The following CHRM3 variants were observed in gnomAD, a reference collection of about 807,000 sequenced individuals.
CHRM3 encodes the protein muscarinic acetylcholine receptor M3.
In CHRM3, 11 loss-of-function variants were observed where a neutral mutation model predicts 41.8. The observed-to-expected ratio is 0.26, with a 90% confidence interval of 0.17 to 0.44. The LOEUF (loss-of-function observed/expected upper bound fraction) is 0.44. CHRM3 is among the 20% of genes least tolerant of loss of function. The pLI is 1.00. For missense variants in CHRM3, 571 were observed against 745.4 expected (o/e 0.77, Z 2.72); for synonymous variants, 297 against 301.4 (o/e 0.99, Z 0.15).
At chr1:239,533,743 A>AC (rs1657906685) in intron 2 of CHRM3, among the ~76,000 whole-genome samples, 1 of 149,190 alleles carries the variant, frequency 6.7e-6, no homozygotes, top group Non-Finnish European at 1.5e-5. Flanking sequence ...AAAAAAAAAA[A>AC]AAAAAAACAA....
intron 5 of CHRM3, among the ~76,000 whole-genome samples, chr1:239,795,217 C>G (rs1398761287): frequency 3.3e-5 from 5 of 152,028 alleles, no homozygotes; most frequent in Non-Finnish European, 7.4e-5. Flanking sequence ...AATGAACTGA[C>G]ATAAGAAGTA....
chr1:239,825,992 G>A (rs909386467), intron 5 of CHRM3, among the ~76,000 whole-genome samples: 93 of 152,298 alleles, frequency 6.1e-4, no homozygotes, highest in African/African-American at 2.2e-3. Context: ...TTTACGTGAG[G>A]AACATAGAGT....
chr1:239,740,257 T>C (rs1278584218), intron 5 of CHRM3, among the ~76,000 whole-genome samples: 1 of 152,196 alleles, frequency 6.6e-6, no homozygotes, highest in Non-Finnish European at 1.5e-5. Flanking sequence ...AAGAAAACTA[T>C]TGTCTTTTAA....
intron 5 of CHRM3, among the ~76,000 whole-genome samples, chr1:239,730,160 A>G (rs115501925): frequency 0.01 from 1,550 of 152,124 alleles, 25 homozygotes; most frequent in African/African-American, 0.035. Flanking sequence ...AAAACTGTAT[A>G]GTTGGTTTTT....
rs200335768 is a variant in CHRM3, at chr1:239,908,528, C to G, written c.1077C>G (p.Ser359=). Residue 359 remains serine, a synonymous_variant, in exon 7 of 7, where the codon TCC becomes TCG. Transcript: ENST00000676153. The surrounding 1 kb of genome is among the most constrained non-coding windows in gnomAD (Gnocchi z 7.2). ...CCTCCGACGAGGAGGACATTGGCTC[C>G]GAGACGAGAGCCATCTACTCCATCG... The part of the protein sequence containing the change: ...SASSDEEDIG[S]ETRAIYSIVL... The G allele has an allele frequency of 9.4e-6, 15 of 1,588,926 alleles. No homozygotes were observed. Among genetic ancestry groups the G allele is most frequent in the Admixed American group, 1.8e-5 (1 of 56,926 alleles).
At chr1:239,619,857 C>G (rs1668164535) in intron 3 of CHRM3, among the ~76,000 whole-genome samples, 1 of 151,900 alleles carries the variant, frequency 6.6e-6, no homozygotes, top group South Asian at 2.1e-4. Context: ...GAGGGAGAGG[C>G]TGAGATTCAT....
At chr1:239,760,826 T>A (rs1272207353) in intron 5 of CHRM3, among the ~76,000 whole-genome samples, 1 of 152,220 alleles carries the variant, frequency 6.6e-6, no homozygotes, top group Non-Finnish European at 1.5e-5. Flanking sequence ...AGCAGTTTCA[T>A]GATGATGGTC....
At chr1:239,555,973 A>G (rs904177041) in intron 3 of CHRM3, among the ~76,000 whole-genome samples, 1 of 152,218 alleles carries the variant, frequency 6.6e-6, no homozygotes, top group African/African-American at 2.4e-5. Flanking sequence ...AAGTAAATCA[A>G]TCATTTTTAG....
chr1:239,885,003 C>G (rs1179385564), intron 6 of CHRM3, among the ~76,000 whole-genome samples: 1 of 152,200 alleles, frequency 6.6e-6, no homozygotes, highest in African/African-American at 2.4e-5. Flanking sequence ...TTACAACAAT[C>G]TGACTGCCTG....
chr1:239,581,445 C>T (rs925469346), intron 3 of CHRM3, among the ~76,000 whole-genome samples: 5 of 103,870 alleles, frequency 4.8e-5, no homozygotes, highest in South Asian at 7.3e-4. Context: ...TGCTGAGTTG[C>T]GTGTGTGTGT....
At chr1:239,839,802 G>GC (rs1277355206) in intron 6 of CHRM3, among the ~76,000 whole-genome samples, 1 of 151,292 alleles carries the variant, frequency 6.6e-6, no homozygotes, top group Non-Finnish European at 1.5e-5. Context: ...TGGCGGGGCG[G>GC]GGGGGGAGCG....
At position 239,907,422 on chromosome 1, in the gene CHRM3, C is replaced by G; in HGVS notation, c.-19-11C>G. ...ATTTTTCTAACTCTGTCTCTTCTCTCTTTCCCCCAGACTATGTCAGAGAGT... is the reference window on the plus strand; with the variant it reads ...ATTTTTCTAACTCTGTCTCTTCTCTGTTTCCCCCAGACTATGTCAGAGAGT... On this transcript the variant is annotated splice_polypyrimidine_tract_variant and intron_variant, in intron 6 of 6. Coordinates refer to ENST00000676153, the MANE Select transcript of CHRM3 (RefSeq NM_001375978.1). This position sits in a 1 kb window ranked among gnomAD's most constrained non-coding sequence, Gnocchi z 5.4. The G allele has an allele frequency of 6.3e-7, 1 of 1,581,718 alleles. No homozygotes were observed. Among genetic ancestry groups the G allele is most frequent in the Non-Finnish European group, 8.6e-7 (1 of 1,162,002 alleles).
At chr1:239,905,578 T>C (rs1375894523) in intron 6 of CHRM3, among the ~76,000 whole-genome samples, 2 of 152,042 alleles carry the variant, frequency 1.3e-5, no homozygotes, top group Non-Finnish European at 2.9e-5. Context: ...AGGTGACACA[T>C]GTCTGTAATC....
intron 6 of CHRM3, among the ~76,000 whole-genome samples, chr1:239,862,796 G>A (rs1675745911): frequency 1.3e-5 from 2 of 152,114 alleles, no homozygotes; most frequent in African/African-American, 4.8e-5. Context: ...TTTTCATTTG[G>A]TCTGTACATC....
chr1:239,669,032 C>T (rs1222613295), intron 4 of CHRM3, among the ~76,000 whole-genome samples: 1 of 152,126 alleles, frequency 6.6e-6, no homozygotes, highest in Non-Finnish European at 1.5e-5. Context: ...CGACTTCATC[C>T]TGAGCTTCCA....
At chr1:239,601,869 G>A (rs72758705) in intron 3 of CHRM3, among the ~76,000 whole-genome samples, 2,489 of 151,440 alleles carry the variant, frequency 0.016, 30 homozygotes, top group Non-Finnish European at 0.028. Flanking sequence ...ACTGTTTTCC[G>A]CCACAATAGT....
At chr1:239,870,645 T>A (rs1252483655) in intron 6 of CHRM3, among the ~76,000 whole-genome samples, 3 of 152,168 alleles carry the variant, frequency 2.0e-5, no homozygotes, top group Non-Finnish European at 4.4e-5. Context: ...CAAAAGTACC[T>A]CCTCTATGTT....
At chr1:239,833,517 C>T (rs888299304) in intron 6 of CHRM3, among the ~76,000 whole-genome samples, 4 of 152,154 alleles carry the variant, frequency 2.6e-5, no homozygotes, top group Admixed American at 2.0e-4. Context: ...AGGTCAAAAC[C>T]AGGACTCAAC....
chr1:239,813,573 T>TA (rs564194562), intron 5 of CHRM3, among the ~76,000 whole-genome samples: 101 of 152,082 alleles, frequency 6.6e-4, no homozygotes, highest in African/African-American at 2.4e-3. Context: ...TTCTCCAAAA[T>TA]AGAGAGAAGA....
Sources: allele counts gnomAD v4.1 joint callset (sites outside exome capture counted in the v4.1 genomes callset), GRCh38; gene constraint gnomAD v4.1.1; non-coding constraint Gnocchi (gnomAD v3.1); transcripts MANE v1.5; gene names NCBI Gene and HGNC (gene_info 2026-07-23, HGNC 2026-07-21).